Variants in FBXL5 observed in about 807,000 individuals in gnomAD.
The protein encoded by FBXL5 is F-box/LRR-repeat protein 5.
A neutral mutation model predicts 78.3 loss-of-function variants in FBXL5; 26 were observed. The observed-to-expected ratio is 0.33, with a 90% confidence interval of 0.24 to 0.46. The LOEUF (loss-of-function observed/expected upper bound fraction) is 0.46, where lower values mean the gene tolerates loss of function less well. FBXL5 is among the 20% of genes least tolerant of loss of function. FBXL5 has a pLI of 1.00. For synonymous variants in FBXL5, 295 were observed against 282.5 expected, an observed-to-expected ratio of 1.04 and a Z score of -0.45; for missense variants, 710 against 829.2, an observed-to-expected ratio of 0.86 and a Z score of 1.77.
At chr4:15,617,256 A>T in intron 9 of FBXL5, among the ~76,000 whole-genome samples, 1 of 152,252 alleles carries the variant, frequency 6.6e-6, no homozygotes, top group East Asian at 1.9e-4. Context: ...AAAATGTGGT[A>T]CAAGGCCGGG....
chr4:15,643,284 G>A (rs973280923), intron 2 of FBXL5, among the ~76,000 whole-genome samples: 6 of 152,106 alleles, frequency 3.9e-5, no homozygotes, highest in African/African-American at 1.2e-4. Context: ...TCCTCCCTAA[G>A]CTGTAGAACA....
chr4:15,645,192 T>C (rs1715237855), intron 1 of FBXL5, among the ~76,000 whole-genome samples: 1 of 152,044 alleles, frequency 6.6e-6, no homozygotes, highest in South Asian at 2.1e-4. Context: ...GCTGTCTTAT[T>C]GCCTATTATC....
At position 15,625,466 on chromosome 4, in the gene FBXL5, A is replaced by C; in HGVS notation, c.1636T>G (p.Cys546Gly). The change falls in exon 9 of 11, where the codon TGT (cysteine) becomes GGT (glycine). Residue 546 changes from cysteine (C) to glycine (G), a missense_variant. Physicochemically the swap from Cys to Gly is radical, Grantham distance 159. This residue lies in a region of FBXL5 where 517 missense variants were observed against 542.9 expected (regional missense o/e 0.95). Transcript: ENST00000341285. The stretch of plus-strand genomic sequence containing the variant: ...CCTGTACAACAAAATGAGTGACCAC[A>C]ATACGCAAAGGCTGGAGAAGCACAA... ...QHCASPAFAY[C>G]GHSFCCTGTA... 6.2e-7 allele frequency: 1 copy of C among 1,614,038 alleles called. No individual in the cohort carries two copies. The highest frequency in any genetic ancestry group is 8.5e-7 in the Non-Finnish European group (1 of 1,179,964).
rs190124014 is a variant in FBXL5 at position 15,614,278 on chromosome 4, T to C, written c.1851-1864A>G. ...TGGGCAATGTCTGTGATGAGTCCTG[T>C]GATGGGATCTGTCTTCAGGTCTCTC... On this transcript the variant is annotated intron_variant, in intron 9 of 10. Coordinates refer to ENST00000341285, the MANE Select transcript of FBXL5 (RefSeq NM_012161.4). Among the ~76,000 whole-genome samples the C allele has an allele frequency of 9.2e-5, 14 of 152,342 alleles. No homozygotes were observed. In the East Asian group the frequency reaches 2.5e-3, roughly 27 times the overall value.
chr4:15,624,660 CAGAAA>C, intron 9 of FBXL5, among the ~76,000 whole-genome samples: 1 of 128,826 alleles, frequency 7.8e-6, no homozygotes, highest in South Asian at 2.5e-4. Flanking sequence ...AAAAAAAAAA[CAGAAA>C]AGAAAATGTA....
At chr4:15,669,253 T>C (rs1001620544) in intron 1 of FBXL5, among the ~76,000 whole-genome samples, 3 of 152,178 alleles carry the variant, frequency 2.0e-5, no homozygotes, top group Non-Finnish European at 4.4e-5. Flanking sequence ...GCTCCTAGGC[T>C]ACAAACCAGT....
At chr4:15,664,807 C>T (rs1212089407), upstream of FBXL5, among the ~76,000 whole-genome samples, 1 of 152,052 alleles carries the variant, frequency 6.6e-6, no homozygotes, top group Non-Finnish European at 1.5e-5. Flanking sequence ...GATCTGCCCA[C>T]CTTGGCCTCC....
chr4:15,659,146 A>G (rs1407754666), upstream of FBXL5, among the ~76,000 whole-genome samples: 1 of 152,208 alleles, frequency 6.6e-6, no homozygotes, highest in Non-Finnish European at 1.5e-5. Context: ...ACCCAGTAAA[A>G]TAATTAATTT....
chr4:15,616,890 C>T (rs1711946590), intron 9 of FBXL5, among the ~76,000 whole-genome samples: 2 of 152,168 alleles, frequency 1.3e-5, no homozygotes, highest in Non-Finnish European at 2.9e-5. Context: ...TTTGGGCACT[C>T]AGTTTTTCAG....
intron 1 of FBXL5, among the ~76,000 whole-genome samples, chr4:15,676,062 T>C (rs1295180336): frequency 6.6e-6 from 1 of 152,214 alleles, no homozygotes; most frequent in Admixed American, 6.5e-5. Context: ...TACTTAACTT[T>C]CTGGATCTTA....
chr4:15,638,455 G>GTTA, intron 4 of FBXL5, 53 bp downstream of exon 4: 1 of 1,326,864 alleles, frequency 7.5e-7, no homozygotes. Flanking sequence ...ATATCAGTAA[G>GTTA]ATGTCAATGA....
At chr4:15,617,119 A>G (rs1221199871) in intron 9 of FBXL5, among the ~76,000 whole-genome samples, 1 of 152,252 alleles carries the variant, frequency 6.6e-6, no homozygotes, top group Non-Finnish European at 1.5e-5. Flanking sequence ...TACTAGGTAT[A>G]TAACCAAAGG....
rs1490312764 is a variant in FBXL5 at position 15,625,566 on chromosome 4, G to A, written c.1536C>T (p.Asn512=). 6.2e-7 allele frequency: 1 copy of A among 1,614,194 alleles called. No individual in the cohort carries two copies. The highest frequency in any genetic ancestry group is 8.5e-7 in the Non-Finnish European group (1 of 1,180,042). ...AACAACCAGAGGTGGAACAACTAAA[G>A]TTGGATGCTGTTTCCATTACACAAA... ...ESLCVMETAS[N]FSCSTSGCFS... The change falls in exon 9 of 11, where the codon AAC becomes AAT. Residue 512 remains asparagine (N), a synonymous_variant. Coordinates refer to ENST00000341285, the MANE Select transcript of FBXL5 (RefSeq NM_012161.4).
chr4:15,631,102 G>A (rs1392854359), intron 5 of FBXL5, among the ~76,000 whole-genome samples: 1 of 151,796 alleles, frequency 6.6e-6, no homozygotes, highest in Non-Finnish European at 1.5e-5. Context: ...AGTGTGTGAC[G>A]TTCCCCACCC....
chr4:15,623,147 C>T (rs7438356), intron 9 of FBXL5, among the ~76,000 whole-genome samples: 93,826 of 150,034 alleles, frequency 0.63, 29,183 homozygotes, highest in Non-Finnish European at 0.65. Flanking sequence ...GGTATTCAAA[C>T]AAAACGTTAC....
chr4:15,655,454 CA>C (rs1716798413), upstream of FBXL5: 1 of 927,940 alleles, frequency 1.1e-6, no homozygotes, highest in Non-Finnish European at 1.3e-6. Context: ...AGGCCGCCGC[CA>C]TGCGATCCCT....
chr4:15,614,200 GTTCTT>G (rs1711548081), intron 9 of FBXL5, among the ~76,000 whole-genome samples: 1 of 152,170 alleles, frequency 6.6e-6, no homozygotes, highest in African/African-American at 2.4e-5. Flanking sequence ...TGCTGTAATT[GTTCTT>G]TTCTGGGTCT....
upstream of FBXL5, chr4:15,659,786 A>T: frequency 2.1e-6 from 2 of 969,302 alleles, no homozygotes; most frequent in South Asian, 9.5e-5. Flanking sequence ...TTGATTTTCA[A>T]CCAGAGGCTC....
chr4:15,677,789 A>C (rs545037826), intron 1 of FBXL5, among the ~76,000 whole-genome samples: 1 of 152,340 alleles, frequency 6.6e-6, no homozygotes, highest in South Asian at 2.1e-4. Flanking sequence ...TCTGTGAGTC[A>C]TTCTAGCAAA....
Sources: gnomAD v4.1 joint callset for allele counts (sites outside exome capture counted in the v4.1 genomes callset) on GRCh38, gnomAD v4.1.1 for gene constraint, gnomAD v4.1.1 regional missense constraint, MANE v1.5 for transcripts, NCBI Gene and HGNC (gene_info 2026-07-23, HGNC 2026-07-21) for gene names.